CALN1: variants seen among roughly 807,000 people sequenced by gnomAD.
The protein encoded by CALN1 is calcium-binding protein 8.
CALN1 carries 17 observed loss-of-function variants against 30.6 expected under a neutral mutation model. The ratio of observed to expected loss-of-function variants is 0.56; its 90% CI spans 0.38 to 0.83. CALN1 has a LOEUF of 0.83. Among genes scored for constraint, CALN1 ranks in the 40% least tolerant of loss-of-function variants. The pLI is 0.00. For missense variants in CALN1, 291 were observed against 354.9 expected, an observed-to-expected ratio of 0.82 and a Z score of 1.45; for synonymous variants, 156 against 131.4, an observed-to-expected ratio of 1.19 and a Z score of -1.28.
Position 72,006,771 on chromosome 7 carries a change from G to A in CALN1, c.501+16886C>T, listed in dbSNP as rs1284187696. ...GTGCCATATATTAATTTAATGAACA[G>A]CTGTAATTCAAATATAAAGCTCATG... On this transcript the variant is annotated intron_variant, in intron 5 of 6. Coordinates refer to ENST00000395275, the MANE Select transcript of CALN1 (RefSeq NM_031468.4). Among the ~76,000 whole-genome samples the A allele has an allele frequency of 4.6e-5, 7 of 152,120 alleles. No individual in the cohort carries two copies. In the East Asian group the frequency reaches 1.4e-3, roughly 29 times the overall value.
intron 1 of CALN1, among the ~76,000 whole-genome samples, chr7:72,430,697 T>C (rs1314239822): frequency 1.3e-5 from 2 of 152,048 alleles, no homozygotes; most frequent in Admixed American, 1.3e-4. Context: ...TCAGAAGCAA[T>C]GCCAGCTCTA....
intron 3 of CALN1, among the ~76,000 whole-genome samples, chr7:72,195,986 T>C (rs1385819598): frequency 1.3e-5 from 2 of 152,208 alleles, no homozygotes; most frequent in Middle Eastern, 3.2e-3. Flanking sequence ...TTTGATATTA[T>C]TCCATTTATA....
upstream of CALN1, among the ~76,000 whole-genome samples, chr7:72,413,249 TAC>T (rs920553207): frequency 6.7e-6 from 1 of 148,696 alleles, no homozygotes; most frequent in African/African-American, 2.5e-5. Context: ...ACACCACACA[TAC>T]ACACATATAC....
chr7:72,279,595 T>G (rs1298609052), intron 2 of CALN1, among the ~76,000 whole-genome samples: 1 of 152,072 alleles, frequency 6.6e-6, no homozygotes, highest in Non-Finnish European at 1.5e-5. Flanking sequence ...AAGTTTCCAC[T>G]AATGCAAGGC....
At chr7:72,031,255 A>T (rs892901897) in intron 4 of CALN1, among the ~76,000 whole-genome samples, 3 of 152,164 alleles carry the variant, frequency 2.0e-5, no homozygotes, top group Non-Finnish European at 4.4e-5. Flanking sequence ...CACAGAGTCA[A>T]ACTGAAATCT....
At chr7:72,441,662 G>A (rs974613099) in intron 1 of CALN1, among the ~76,000 whole-genome samples, 6 of 150,952 alleles carry the variant, frequency 4.0e-5, no homozygotes, top group South Asian at 2.1e-4. Flanking sequence ...CAGGAGAGAC[G>A]AGGACGTAGA....
In CALN1 at chr7:71,843,768, G is replaced by A. The variant is rs117282899; in HGVS notation, c.502-33276C>T. On this transcript the variant is annotated intron_variant, in intron 5 of 6. Transcript: ENST00000395275. ...TACACCATACTTATTATGCTCATGG[G>A]CACGCATGAGGTATGCTAAATGCCA... is the stretch of plus-strand genomic sequence containing the variant. 9.2e-3 allele frequency among the ~76,000 whole-genome samples: 1,405 copies of A among 152,186 alleles called. 23 individuals are homozygous for A. The highest frequency in any genetic ancestry group is 0.03 in the African/African-American group (1,237 of 41,498).
At chr7:71,792,559 G>C (rs1051496595) in intron 6 of CALN1, among the ~76,000 whole-genome samples, 2 of 152,084 alleles carry the variant, frequency 1.3e-5, no homozygotes, top group African/African-American at 4.8e-5. Flanking sequence ...AATATCCTTG[G>C]GGTAGAGATG....
intron 2 of CALN1, among the ~76,000 whole-genome samples, chr7:72,391,413 A>G (rs1805568562): frequency 6.6e-6 from 1 of 152,214 alleles, no homozygotes; most frequent in Non-Finnish European, 1.5e-5. Flanking sequence ...TTCACCCAGC[A>G]AGACACCAGA....
intron 2 of CALN1, among the ~76,000 whole-genome samples, chr7:72,400,014 G>A (rs911472649): frequency 2.6e-5 from 4 of 152,134 alleles, no homozygotes; most frequent in African/African-American, 7.2e-5. Context: ...ACCTTCCTGA[G>A]GTCCTCAGCA....
intron 5 of CALN1, among the ~76,000 whole-genome samples, chr7:71,832,294 C>A (rs1027054175): frequency 2.6e-5 from 4 of 152,146 alleles, no homozygotes; most frequent in African/African-American, 4.8e-5. Context: ...TGACCCTAGG[C>A]AAGTAATTCT....
chr7:71,858,244 TGAA>T (rs1791067082), intron 5 of CALN1, among the ~76,000 whole-genome samples: 1 of 152,184 alleles, frequency 6.6e-6, no homozygotes, highest in South Asian at 2.1e-4. Context: ...TGCTGTCACG[TGAA>T]GAAGGACGTG....
intron 5 of CALN1, among the ~76,000 whole-genome samples, chr7:71,866,581 A>C (rs539730479): frequency 6.4e-4 from 98 of 152,240 alleles, no homozygotes; most frequent in Non-Finnish European, 1.2e-3. Flanking sequence ...TTGAATTGTA[A>C]GCCTTTTAGC....
At chr7:71,879,635 A>G (rs1325690995) in intron 5 of CALN1, among the ~76,000 whole-genome samples, 7 of 152,202 alleles carry the variant, frequency 4.6e-5, no homozygotes, top group Non-Finnish European at 1.0e-4. Flanking sequence ...GACTAAATGG[A>G]AAAGATACTC....
chr7:72,499,893 CTTTCTTTCTTTCTTTCTT>C, the CALN1 span, among the ~76,000 whole-genome samples: 6 of 45,938 alleles, frequency 1.3e-4, no homozygotes, highest in Non-Finnish European at 2.4e-4. Flanking sequence ...TTCTTTCTTT[CTTTCTTTCTTTCTTTCTT>C]TCTATCTTTC....
intron 3 of CALN1, among the ~76,000 whole-genome samples, chr7:72,146,257 A>G (rs1786712509): frequency 6.6e-6 from 1 of 152,238 alleles, no homozygotes; most frequent in African/African-American, 2.4e-5. Context: ...TTAAGCTGAT[A>G]AGCAACTGCA....
rs112878559 is a variant in CALN1, at chr7:71,881,067, G to A, written c.502-70575C>T. Among the ~76,000 whole-genome samples, 1,317 of 152,282 alleles carry A rather than the reference G, an allele frequency of 8.6e-3. 14 individuals are homozygous for A. Among genetic ancestry groups the A allele is most frequent in the African/African-American group, 0.029 (1,224 of 41,562 alleles). On this transcript the variant is annotated intron_variant, in intron 5 of 6. Coordinates refer to ENST00000395275, the MANE Select transcript of CALN1 (RefSeq NM_031468.4). ...CAGGCAGAAGGACATGGAAGGACTT[G>A]ACTTGCTGAGTCTTCCGGAATTCAT...
intron 3 of CALN1, among the ~76,000 whole-genome samples, chr7:72,222,950 G>T (rs566211075): frequency 4.7e-4 from 72 of 152,272 alleles, no homozygotes; most frequent in African/African-American, 1.6e-3. Context: ...CAGCCCAGGA[G>T]TTAGAGGCTG....
At chr7:72,223,410 A>G (rs747926701) in intron 3 of CALN1, among the ~76,000 whole-genome samples, 1 of 152,152 alleles carries the variant, frequency 6.6e-6, no homozygotes, top group Non-Finnish European at 1.5e-5. Flanking sequence ...TTCAGCTTCT[A>G]ACTAGTATGG....
Sources: gnomAD v4.1 joint callset for allele counts (sites outside exome capture counted in the v4.1 genomes callset) on GRCh38, gnomAD v4.1.1 for gene constraint, MANE v1.5 for transcripts, NCBI Gene and HGNC (gene_info 2026-07-23, HGNC 2026-07-21) for gene names.